Variants in PCLO observed in about 807,000 individuals in gnomAD.
PCLO encodes the protein protein piccolo.
In PCLO, 82 loss-of-function variants were observed where a neutral mutation model predicts 427.5. The ratio of observed to expected loss-of-function variants is 0.19; its 90% CI spans 0.16 to 0.23. The LOEUF is 0.23. Ranked by LOEUF, PCLO falls within the 10% of genes least tolerant of loss-of-function variation. The pLI, the probability that PCLO is intolerant of heterozygous loss-of-function variation, is 1.00. For missense variants in PCLO, 6,239 were observed against 6,115.9 expected (o/e 1.02, Z -0.67); for synonymous variants, 2,357 against 2,155.4 (o/e 1.09, Z -2.59).
chr7:82,816,813 C>T (rs1385067621), intron 20 of PCLO, among the ~76,000 whole-genome samples: 1 of 152,016 alleles, frequency 6.6e-6, no homozygotes, highest in Non-Finnish European at 1.5e-5. Flanking sequence ...ATGCAGATGG[C>T]TCGGTGCAGA....
chr7:82,817,259 CACAA>C (rs1460184015), intron 20 of PCLO, among the ~76,000 whole-genome samples: 1 of 152,050 alleles, frequency 6.6e-6, no homozygotes, highest in Non-Finnish European at 1.5e-5. Flanking sequence ...AATTTTTTTG[CACAA>C]ACACATGGAA....
intron 16 of PCLO, among the ~76,000 whole-genome samples, chr7:82,835,421 T>A (rs973118798): frequency 3.9e-5 from 6 of 152,248 alleles, no homozygotes; most frequent in Non-Finnish European, 8.8e-5. Flanking sequence ...GGTAATAATA[T>A]TTTTTTCATT....
chr7:83,021,593 T>C (rs960140988), intron 3 of PCLO, among the ~76,000 whole-genome samples: 2 of 152,190 alleles, frequency 1.3e-5, no homozygotes, highest in Non-Finnish European at 2.9e-5. Context: ...CCTCTTCCTT[T>C]CTTCCTTTCT....
At chr7:83,082,553 T>C (rs1046361770) in intron 3 of PCLO, among the ~76,000 whole-genome samples, 2 of 151,668 alleles carry the variant, frequency 1.3e-5, no homozygotes, top group Non-Finnish European at 3.0e-5. Flanking sequence ...AAAATAGAGT[T>C]AGAAATAATA....
rs145246908 is a variant in PCLO, at chr7:82,965,368, C to T, written c.4017+403G>A. Reference sequence around the variant, plus strand: ...ATGGCTGACCACACATTAAATAAAACCTTGTTGACTCTTACGTAAACAAAT... The same window carrying T: ...ATGGCTGACCACACATTAAATAAAATCTTGTTGACTCTTACGTAAACAAAT... On this transcript the variant is annotated intron_variant, in intron 4 of 24. Transcript: ENST00000333891. 2.5e-3 allele frequency among the ~76,000 whole-genome samples: 355 copies of T among 143,406 alleles called. 3 individuals carry two copies. Among genetic ancestry groups the T allele is most frequent in the South Asian group, 0.013 (57 of 4,552 alleles). The allele number at this position is 143,406 out of a possible 152,430, so 94.1% of individuals were successfully genotyped here.
At chr7:82,879,909 GATC>G (rs1562833751) in intron 9 of PCLO, 2 of 423,890 alleles carry the variant, frequency 4.7e-6, no homozygotes, top group Admixed American at 2.9e-5. Flanking sequence ...GTGAAAACAT[GATC>G]ATAATTTATA....
intron 3 of PCLO, among the ~76,000 whole-genome samples, chr7:83,051,700 T>C (rs1789258542): frequency 6.6e-6 from 1 of 152,122 alleles, no homozygotes; most frequent in Non-Finnish European, 1.5e-5. Flanking sequence ...ATCACCAAAC[T>C]AATTCTAAAG....
intron 22 of PCLO, among the ~76,000 whole-genome samples, chr7:82,764,223 A>C (rs1790487026): frequency 6.6e-6 from 1 of 151,990 alleles, no homozygotes; most frequent in African/African-American, 2.4e-5. Context: ...AAAGGATGCC[A>C]TTTAAAACTA....
intron 3 of PCLO, among the ~76,000 whole-genome samples, chr7:83,083,404 C>G (rs944497003): frequency 6.6e-6 from 1 of 151,974 alleles, no homozygotes; most frequent in Non-Finnish European, 1.5e-5. Context: ...CATTAATTAT[C>G]TGTGGATGTA....
chr7:82,969,318 AC>A (rs918989171), intron 3 of PCLO, among the ~76,000 whole-genome samples: 1 of 152,140 alleles, frequency 6.6e-6, no homozygotes, highest in African/African-American at 2.4e-5. Context: ...AGTGGTGATA[AC>A]CATTAAACTA....
chr7:83,092,394 G>A (rs948504621), intron 3 of PCLO, among the ~76,000 whole-genome samples: 2 of 151,520 alleles, frequency 1.3e-5, no homozygotes, highest in African/African-American at 2.4e-5. Context: ...CCATGGACCC[G>A]GCACAAATAT....
chr7:82,756,797 T>C lies in PCLO; in HGVS notation c.*1778A>G, dbSNP rs2129467401. The C allele has an allele frequency of 6.6e-6, 1 of 152,168 alleles. No individual in the cohort carries two copies. The highest frequency in any genetic ancestry group is 2.4e-5 in the African/African-American group (1 of 41,548). 9.4% of individuals were successfully genotyped at this position (152,168 alleles called of 1,614,324 possible). ...TAGGACTAGGGTAAGACCAGCATTA[T>C]TCATTTAATTTGGGATAGCAAAATT... On this transcript the variant is annotated 3_prime_UTR_variant, in exon 25 of 25. Coordinates refer to ENST00000333891, the MANE Select transcript of PCLO (RefSeq NM_033026.6).
At chr7:82,840,135 A>G (rs1326727311) in intron 14 of PCLO, among the ~76,000 whole-genome samples, 1 of 152,100 alleles carries the variant, frequency 6.6e-6, no homozygotes, top group Non-Finnish European at 1.5e-5. Context: ...GCTATTAAGA[A>G]TCAGAAATTC....
chr7:82,780,310 G>A (rs1052883138), intron 22 of PCLO, among the ~76,000 whole-genome samples: 9 of 152,174 alleles, frequency 5.9e-5, no homozygotes, highest in African/African-American at 2.2e-4. Flanking sequence ...TTATTAAGTA[G>A]AGAATTTAGT....
At chr7:82,916,909 T>A (rs762626200) in intron 6 of PCLO, 36 bp from the exon 7 acceptor site, 1 of 1,392,262 alleles carries the variant, frequency 7.2e-7, no homozygotes, top group Non-Finnish European at 9.7e-7. Context: ...TACTTTAGTA[T>A]AAAGAAAAAT....
At chr7:83,158,768 T>A (rs1184167580) in intron 1 of PCLO, among the ~76,000 whole-genome samples, 1 of 151,900 alleles carries the variant, frequency 6.6e-6, no homozygotes, top group Admixed American at 6.6e-5. Flanking sequence ...AGAATCCCCA[T>A]CAGAAAATAG....
chr7:83,026,767 A>G (rs1314216836), intron 3 of PCLO, among the ~76,000 whole-genome samples: 1 of 151,232 alleles, frequency 6.6e-6, no homozygotes, highest in African/African-American at 2.4e-5. Context: ...CTCAGACCAC[A>G]GTGCAATCAA....
chr7:82,836,866 C>G (rs528722308), intron 15 of PCLO, among the ~76,000 whole-genome samples: 1 of 152,056 alleles, frequency 6.6e-6, no homozygotes, highest in Non-Finnish European at 1.5e-5. Flanking sequence ...AACAAACCAA[C>G]TACAGTAAAA....
chr7:83,123,278 G>A (rs189205301), intron 3 of PCLO, among the ~76,000 whole-genome samples: 10 of 152,124 alleles, frequency 6.6e-5, no homozygotes, highest in East Asian at 5.8e-4. Flanking sequence ...AAGTAGACCC[G>A]TGGACCAATG....
Sources: allele counts gnomAD v4.1 joint callset (sites outside exome capture counted in the v4.1 genomes callset), GRCh38; gene constraint gnomAD v4.1.1; transcripts MANE v1.5; gene names NCBI Gene and HGNC (gene_info 2026-07-23, HGNC 2026-07-21).